The following ARHGEF10L variants were observed in gnomAD, a reference collection of about 807,000 sequenced individuals.
ARHGEF10L encodes Rho guanine nucleotide exchange factor 10 like.
Under a neutral mutation model 141.2 loss-of-function variants are expected in ARHGEF10L, and 69 were observed. The observed-to-expected ratio is 0.49, with a 90% CI of 0.40 to 0.60. The LOEUF is 0.60. Among genes scored for constraint, ARHGEF10L ranks in the 20% least tolerant of loss-of-function variants. ARHGEF10L has a pLI of 0.00. For synonymous variants in ARHGEF10L, 711 were observed against 718.5 expected (o/e 0.99, Z 0.17); for missense variants, 1,482 against 1,734.3 (o/e 0.85, Z 2.58).
rs576561341 is a variant in ARHGEF10L at position 17,607,941 on chromosome 1, C to T, written c.573C>T (p.Val191=). Residue 191 remains valine, a synonymous_variant, in exon 7 of 29, where the codon GTC becomes GTT. Transcript: ENST00000361221. This position sits in a 1 kb window ranked among gnomAD's most constrained non-coding sequence, Gnocchi z 4.5. ...SGEEAKPEVE[V]EPAKHRVSFQ... ...AGGAGGCCAAGCCGGAGGTCGAGGT[C>T]GAGCCCGCCAAGCACCGAGTGTCCT... 1.9e-5 allele frequency: 29 copies of T among 1,503,396 alleles called. No homozygotes were observed. In the Middle Eastern group the frequency reaches 5.3e-4, roughly 27 times the overall value. The allele number at this position is 1,503,396 out of a possible 1,614,324, so 93.1% of individuals were successfully genotyped here.
rs1202832877 is a variant in ARHGEF10L, at chr1:17,539,923, G to T, written c.-71G>T. On this transcript the variant is annotated 5_prime_UTR_variant, in exon 1 of 29. Coordinates refer to ENST00000361221, the MANE Select transcript of ARHGEF10L (RefSeq NM_018125.4). The surrounding 1 kb of genome is among the most constrained non-coding windows in gnomAD (Gnocchi z 6.0). Reference sequence around the variant, plus strand: ...AGGCGCCTTTGTGAGCGGCGCGGACGACAAAGGCGCGGGCCCGGGCAGCCG... The same window carrying T: ...AGGCGCCTTTGTGAGCGGCGCGGACTACAAAGGCGCGGGCCCGGGCAGCCG... 2 of 151,354 alleles carry T rather than the reference G, an allele frequency of 1.3e-5. No individual in the cohort carries two copies. The highest frequency in any genetic ancestry group is 4.8e-5 in the African/African-American group (2 of 41,324). The allele number at this position is 151,354 out of a possible 1,614,324, so 9.4% of individuals were successfully genotyped here.
the ARHGEF10L span, among the ~76,000 whole-genome samples, chr1:17,530,817 C>T: frequency 6.6e-6 from 1 of 151,838 alleles, no homozygotes; most frequent in Admixed American, 6.6e-5. Flanking sequence ...GAGTTCGAAA[C>T]CAGCCTGGCC....
chr1:17,524,853 T>C, the ARHGEF10L span, among the ~76,000 whole-genome samples: 1 of 152,160 alleles, frequency 6.6e-6, no homozygotes, highest in Non-Finnish European at 1.5e-5. Flanking sequence ...ACTCCTTGGA[T>C]TCCAGGTGGC....
intron 26 of ARHGEF10L, among the ~76,000 whole-genome samples, chr1:17,686,600 G>A (rs905633627): frequency 2.0e-5 from 3 of 152,128 alleles, no homozygotes; most frequent in African/African-American, 7.2e-5. Context: ...AGTTCGGGGG[G>A]GCAGTGCGTG....
In ARHGEF10L at chr1:17,656,573, G is replaced by A. The variant is rs1284631876; in HGVS notation, c.2725G>A (p.Val909Met). 6.2e-7 allele frequency: 1 copy of A among 1,612,976 alleles called. No homozygotes were observed. The highest frequency in any genetic ancestry group is 8.5e-7 in the Non-Finnish European group (1 of 1,179,802). ...QDGSILLYSS[V>M]DTGTQCLVSC... ...CCGCAGCATCCTCCTCTACAGCAGTGTGGACACTGGCACCCAGTGCCTGGT... is the reference window on the plus strand; with the variant it reads ...CCGCAGCATCCTCCTCTACAGCAGTATGGACACTGGCACCCAGTGCCTGGT... The change falls in exon 25 of 29, where the codon GTG (valine) becomes ATG (methionine). Residue 909 changes from valine (V) to methionine (M), a missense_variant. Transcript: ENST00000361221. The surrounding 1 kb of genome is among the most constrained non-coding windows in gnomAD (Gnocchi z 4.9).
At chr1:17,523,336 G>A in the ARHGEF10L span, among the ~76,000 whole-genome samples, 1,288 of 152,130 alleles carry the variant, frequency 8.5e-3, 21 homozygotes, top group East Asian at 0.088. Context: ...TAATCAGCCC[G>A]CCTTGGCCTC....
rs563092050 is a variant in ARHGEF10L, at chr1:17,691,076, A to G, written c.3184+3329A>G. ...TCTTCCACTCGCATACTCGACTGGT[A>G]TTAATGCATTTTTTAACCTAAACTC... On this transcript the variant is annotated intron_variant, in intron 27 of 28. Coordinates refer to ENST00000361221, the MANE Select transcript of ARHGEF10L (RefSeq NM_018125.4). 2.4e-4 allele frequency: 111 copies of G among 453,450 alleles called. 1 individual carries two copies. The highest frequency in any genetic ancestry group is 4.2e-4 in the Non-Finnish European group (95 of 226,286). The allele number at this position is 453,450 out of a possible 1,614,324, so 28.1% of individuals were successfully genotyped here.
At chr1:17,671,178 C>T (rs1051564340) in intron 26 of ARHGEF10L, among the ~76,000 whole-genome samples, 2 of 152,246 alleles carry the variant, frequency 1.3e-5, no homozygotes, top group South Asian at 2.1e-4. Context: ...TCCGCCACGG[C>T]GGAGCCGCCT....
At position 17,647,901 on chromosome 1, in the gene ARHGEF10L, G is replaced by A. The variant is rs931043238; in HGVS notation, c.2273-653G>A. Among the ~76,000 whole-genome samples, 55 of 152,116 alleles carry A rather than the reference G, an allele frequency of 3.6e-4. 1 individual carries two copies. Among genetic ancestry groups the A allele is most frequent in the Non-Finnish European group, 6.6e-4 (45 of 68,024 alleles). ...TGGTGACCTCCCGTGGTGAGTCCTG[G>A]GTCTGGGGTCGGGTTAGGCATCTGT... On this transcript the variant is annotated intron_variant, in intron 21 of 28. Coordinates refer to ENST00000361221, the MANE Select transcript of ARHGEF10L (RefSeq NM_018125.4).
chr1:17,627,526 C>T lies in ARHGEF10L; in HGVS notation c.1584+23C>T, dbSNP rs2060453418. 1.2e-6 allele frequency: 2 copies of T among 1,605,952 alleles called. No homozygotes were observed. Among genetic ancestry groups the T allele is most frequent in the African/African-American group, 1.3e-5 (1 of 74,844 alleles). On this transcript the variant is annotated intron_variant, in intron 15 of 28. Coordinates refer to ENST00000361221, the MANE Select transcript of ARHGEF10L (RefSeq NM_018125.4). This position sits in a 1 kb window ranked among gnomAD's most constrained non-coding sequence, Gnocchi z 4.0. ...AAGGTGAGCTGGGCCTCCCACCTGC[C>T]TGCCCTCACCTGCCTGCCCTCACCT...
In ARHGEF10L at chr1:17,697,587, A is replaced by G. The variant is rs2065600689; in HGVS notation, c.*207A>G. 4.3e-6 allele frequency: 3 copies of G among 697,980 alleles called. No homozygotes were observed. In the South Asian group the frequency reaches 4.7e-5, roughly 11 times the overall value. 43.2% of individuals were successfully genotyped at this position (697,980 alleles called of 1,614,324 possible). On this transcript the variant is annotated 3_prime_UTR_variant, in exon 29 of 29. Transcript: ENST00000361221. This position sits in a 1 kb window ranked among gnomAD's most constrained non-coding sequence, Gnocchi z 4.8. The stretch of plus-strand genomic sequence containing the variant: ...GTTTTAGGGCTTGGGGAGAGGGAGG[A>G]CACATCTGGAGGAAATGGCCTTCTT...
At chr1:17,657,463 G>A (rs900910672) in intron 25 of ARHGEF10L, among the ~76,000 whole-genome samples, 1 of 152,156 alleles carries the variant, frequency 6.6e-6, no homozygotes, top group Non-Finnish European at 1.5e-5. Context: ...AGTAGAGAGT[G>A]TAGCCAGCCC....
At chr1:17,687,786 G>A in intron 27 of ARHGEF10L, 39 bp downstream of exon 27, 1 of 1,537,180 alleles carries the variant, frequency 6.5e-7, no homozygotes, top group Non-Finnish European at 8.8e-7. Flanking sequence ...GACAGTCACA[G>A]AGCACCTTCC....
Position 17,646,988 on chromosome 1 carries a change from T to C in ARHGEF10L, c.2273-1566T>C, listed in dbSNP as rs552839405. On this transcript the variant is annotated intron_variant, in intron 21 of 28. Transcript: ENST00000361221. The stretch of plus-strand genomic sequence containing the variant: ...GGTGTAAGTTTTAGCAGGATGGGCC[T>C]GGCTGCCGAGCAAAGATGACTGTAG... 3.2e-3 allele frequency among the ~76,000 whole-genome samples: 480 copies of C among 152,124 alleles called. 2 individuals are homozygous for C. The highest frequency in any genetic ancestry group is 5.3e-3 in the Non-Finnish European group (357 of 67,982).
intron 8 of ARHGEF10L, 118 bp downstream of exon 8, chr1:17,613,292 C>T (rs1159880595): frequency 1.1e-5 from 9 of 808,566 alleles, no homozygotes; most frequent in Admixed American, 2.1e-5. Context: ...CCTTGAGTCC[C>T]AGGGCTGTCC....
chr1:17,565,481 C>T (rs2077713784), intron 1 of ARHGEF10L, among the ~76,000 whole-genome samples: 1 of 152,204 alleles, frequency 6.6e-6, no homozygotes, highest in Non-Finnish European at 1.5e-5. Flanking sequence ...TGGTGGACGG[C>T]CCCCCTCCAA....
At chr1:17,529,562 A>G in the ARHGEF10L span, among the ~76,000 whole-genome samples, 1 of 152,210 alleles carries the variant, frequency 6.6e-6, no homozygotes, top group Non-Finnish European at 1.5e-5. Flanking sequence ...ACAGCTGCCT[A>G]TCTGGTTTGC....
chr1:17,533,770 G>C, the ARHGEF10L span, among the ~76,000 whole-genome samples: 2 of 152,100 alleles, frequency 1.3e-5, no homozygotes, highest in Non-Finnish European at 2.9e-5. Context: ...TGATGAGACC[G>C]ACTCTATCAT....
intron 27 of ARHGEF10L, chr1:17,689,836 A>T (rs916359815): frequency 6.6e-6 from 3 of 455,954 alleles, no homozygotes; most frequent in African/African-American, 6.0e-5. Flanking sequence ...GAGGAGAGTG[A>T]GAGAGAGTCA....
Sources: gnomAD v4.1 joint callset for allele counts (sites outside exome capture counted in the v4.1 genomes callset) on GRCh38, gnomAD v4.1.1 for gene constraint, Gnocchi (gnomAD v3.1) non-coding constraint, MANE v1.5 for transcripts, NCBI Gene and HGNC (gene_info 2026-07-23, HGNC 2026-07-21) for gene names.